Variants in APBB2 observed in about 807,000 individuals in gnomAD.
APBB2 encodes amyloid beta precursor protein binding family B member 2.
APBB2 carries 38 observed loss-of-function variants against 82.5 expected under a neutral mutation model. The observed-to-expected ratio is 0.46, with a 90% CI of 0.36 to 0.60. APBB2 has a LOEUF of 0.60. Ranked by LOEUF, APBB2 falls within the 20% of genes least tolerant of loss-of-function variation. The pLI is 0.00. For missense variants in APBB2, 772 were observed against 972.3 expected (o/e 0.79, Z 2.74); for synonymous variants, 341 against 368.2 (o/e 0.93, Z 0.85).
chr4:40,878,069 G>A (rs558691981), intron 12 of APBB2, among the ~76,000 whole-genome samples: 24 of 148,564 alleles, frequency 1.6e-4, no homozygotes, highest in South Asian at 8.3e-4. Context: ...CAATCAGGCC[G>A]GACTCGGTGG....
At chr4:40,993,137 G>A (rs1802607044) in intron 6 of APBB2, among the ~76,000 whole-genome samples, 1 of 152,108 alleles carries the variant, frequency 6.6e-6, no homozygotes, top group Non-Finnish European at 1.5e-5. Context: ...ACCCCACAAG[G>A]CAGAGACTAT....
chr4:41,088,023 T>C (rs1329054079), intron 3 of APBB2, among the ~76,000 whole-genome samples: 1 of 152,210 alleles, frequency 6.6e-6, no homozygotes, highest in Non-Finnish European at 1.5e-5. Context: ...CTGAATCTAT[T>C]CAAAACTTGT....
intron 3 of APBB2, among the ~76,000 whole-genome samples, chr4:41,093,256 C>A (rs1320770549): frequency 6.6e-6 from 1 of 152,204 alleles, no homozygotes; most frequent in Non-Finnish European, 1.5e-5. Flanking sequence ...TAAACTACCT[C>A]CTTAGGGCTC....
intron 3 of APBB2, among the ~76,000 whole-genome samples, chr4:41,066,070 C>CCTACAATGGACAGCTCAATG (rs1731681211): frequency 6.8e-6 from 1 of 146,636 alleles, no homozygotes; most frequent in Non-Finnish European, 1.5e-5. Flanking sequence ...TCCTATAAAA[C>CCTACAATGGACAGCTCAATG]TTTAAAAGCT....
At chr4:41,181,942 C>CAAAAA (rs35142945) in intron 1 of APBB2, among the ~76,000 whole-genome samples, 4 of 93,860 alleles carry the variant, frequency 4.3e-5, no homozygotes, top group Non-Finnish European at 9.1e-5. Context: ...GAAACTGTCT[C>CAAAAA]AAAAAAAAAA....
chr4:40,919,280 T>C (rs996038035), intron 10 of APBB2, among the ~76,000 whole-genome samples: 8 of 152,198 alleles, frequency 5.3e-5, no homozygotes, highest in Admixed American at 4.6e-4. Flanking sequence ...AGGCTTGTTT[T>C]GTCCATAAGA....
intron 4 of APBB2, among the ~76,000 whole-genome samples, chr4:41,034,740 C>G (rs1483968289): frequency 6.6e-6 from 1 of 151,826 alleles, no homozygotes; most frequent in Non-Finnish European, 1.5e-5. Context: ...GCACACACAC[C>G]TAGGTGTATA....
At chr4:41,150,025 A>G (rs936592884) in intron 1 of APBB2, among the ~76,000 whole-genome samples, 1 of 152,192 alleles carries the variant, frequency 6.6e-6, no homozygotes, top group African/African-American at 2.4e-5. Flanking sequence ...ACCAGTATGA[A>G]AATGGACTAA....
chr4:41,097,251 T>C (rs1743807092), intron 3 of APBB2, among the ~76,000 whole-genome samples: 1 of 152,204 alleles, frequency 6.6e-6, no homozygotes, highest in Non-Finnish European at 1.5e-5. Context: ...CAAAGCTTTA[T>C]ATACAGCACC....
chr4:40,883,248 A>G (rs1377145839), intron 12 of APBB2, among the ~76,000 whole-genome samples: 2 of 152,152 alleles, frequency 1.3e-5, no homozygotes, highest in Admixed American at 1.3e-4. Flanking sequence ...CTTGAGCCCA[A>G]GGTGTTCAAG....
chr4:40,864,011 C>T (rs556019674), intron 12 of APBB2, among the ~76,000 whole-genome samples: 2 of 151,854 alleles, frequency 1.3e-5, no homozygotes, highest in Admixed American at 1.3e-4. Context: ...GTAATCCCAG[C>T]ACTTTAGGAA....
At chr4:41,108,462 G>A (rs1748039882) in intron 2 of APBB2, among the ~76,000 whole-genome samples, 1 of 152,108 alleles carries the variant, frequency 6.6e-6, no homozygotes, top group African/African-American at 2.4e-5. Flanking sequence ...AGAGACCCGT[G>A]GAAGAGGATG....
chr4:41,081,051 A>C (rs1341931385), intron 3 of APBB2, among the ~76,000 whole-genome samples: 1 of 152,192 alleles, frequency 6.6e-6, no homozygotes, highest in Non-Finnish European at 1.5e-5. Context: ...AACTACCTTT[A>C]CCACACATTC....
At chr4:40,934,874 C>G in intron 8 of APBB2, 175 bp from the exon 9 acceptor site, 1 of 682,150 alleles carries the variant, frequency 1.5e-6, no homozygotes, top group South Asian at 2.0e-5. Context: ...CCTGTTCTTA[C>G]AAAACAACGG....
chr4:41,000,857 A>G (rs1805012117), intron 6 of APBB2, among the ~76,000 whole-genome samples: 2 of 152,246 alleles, frequency 1.3e-5, no homozygotes, highest in South Asian at 4.2e-4. Context: ...CAAGCACACA[A>G]AGTTAAAAAA....
At chr4:41,122,503 A>G (rs908972700) in intron 2 of APBB2, among the ~76,000 whole-genome samples, 2 of 152,168 alleles carry the variant, frequency 1.3e-5, no homozygotes, top group Non-Finnish European at 2.9e-5. Context: ...TCTTCCCATT[A>G]CCTACCATAT....
At chr4:41,045,286 A>AT (rs869178265) in intron 4 of APBB2, among the ~76,000 whole-genome samples, 2 of 148,668 alleles carry the variant, frequency 1.3e-5, no homozygotes, top group African/African-American at 2.6e-5. Context: ...GATTTTAATC[A>AT]TTTTTTTGTT....
At chr4:41,058,260 C>T (rs962148450) in intron 4 of APBB2, among the ~76,000 whole-genome samples, 1 of 151,414 alleles carries the variant, frequency 6.6e-6, no homozygotes, top group African/African-American at 2.4e-5. Context: ...CAAATCTCTA[C>T]CCTGGAAGTA....
chr4:40,876,417 A>G (rs926927936), intron 12 of APBB2, among the ~76,000 whole-genome samples: 2 of 152,180 alleles, frequency 1.3e-5, no homozygotes, highest in African/African-American at 4.8e-5. Flanking sequence ...AAATTAGTTT[A>G]CCTTGCATTT....
Sources: gnomAD v4.1 joint callset for allele counts (sites outside exome capture counted in the v4.1 genomes callset) on GRCh38, gnomAD v4.1.1 for gene constraint, MANE v1.5 for transcripts, NCBI Gene and HGNC (gene_info 2026-07-23, HGNC 2026-07-21) for gene names.